TRIM64C: variants seen among roughly 807,000 people sequenced by gnomAD.
TRIM64C encodes the protein tripartite motif-containing protein 64C.
Under a neutral mutation model 36.1 loss-of-function variants are expected in TRIM64C, and 25 were observed. The observed-to-expected ratio is 0.69, with a 90% CI of 0.51 to 0.97. The LOEUF (loss-of-function observed/expected upper bound fraction) is 0.97. Among genes scored for constraint, TRIM64C ranks in the 50% least tolerant of loss-of-function variants. The pLI, the probability that TRIM64C is intolerant of heterozygous loss-of-function variation, is 0.00. For synonymous variants in TRIM64C, 212 were observed against 185.7 expected, an observed-to-expected ratio of 1.14 and a Z score of -1.15; for missense variants, 489 against 536.8, an observed-to-expected ratio of 0.91 and a Z score of 0.88.
intron 4 of TRIM64C, 91 bp downstream of exon 4, chr11:49,056,268 G>C: frequency 1.0e-6 from 1 of 975,110 alleles, no homozygotes; most frequent in South Asian, 1.5e-5. Flanking sequence ...TAGCCACTGA[G>C]AATGATGTTA....
At chr11:49,057,725 T>A (rs549313625) in intron 2 of TRIM64C, 10 of 475,332 alleles carry the variant, frequency 2.1e-5, no homozygotes, top group Non-Finnish European at 3.5e-5. Flanking sequence ...TATTATGCAG[T>A]ATTTTTTTAC....
Position 49,053,912 on chromosome 11 carries a change from A to G in TRIM64C, c.1155T>C (p.Asn385=), listed in dbSNP as rs1400759286. 2.6e-6 allele frequency: 4 copies of G among 1,551,554 alleles called. No homozygotes were observed. Among genetic ancestry groups the G allele is most frequent in the Non-Finnish European group, 3.5e-6 (4 of 1,146,870 alleles). Residue 385 remains asparagine (N), a synonymous_variant, in exon 6 of 6, where the codon AAT becomes AAC. Transcript: ENST00000617704. The part of the protein sequence containing the change: ...TFFSISSKTS[N]HYSLSTNSPP... Reference sequence around the variant, plus strand: ...GAGAATTGGTGGAGAGACTATAGTGATTGCTCGTCTTTGAAGAAATTGAAA... The same window carrying G: ...GAGAATTGGTGGAGAGACTATAGTGGTTGCTCGTCTTTGAAGAAATTGAAA...
chr11:49,057,389 GTTTGGTT>G lies in TRIM64C; in HGVS notation c.508-18_508-12del. 1 of 1,549,092 alleles carries G rather than the reference GTTTGGTT, an allele frequency of 6.5e-7. No individual in the cohort carries two copies. Among genetic ancestry groups the G allele is most frequent in the Non-Finnish European group, 8.7e-7 (1 of 1,146,484 alleles). On this transcript the variant is annotated splice_polypyrimidine_tract_variant and intron_variant, in intron 2 of 5. Transcript: ENST00000617704. ...TAATGACACATAGTCCTGCAGAGACGTTTGGTTAAAAGGATTACATGTTCTCACTCTC... is the reference window on the plus strand; with the variant it reads ...TAATGACACATAGTCCTGCAGAGACGAAAAGGATTACATGTTCTCACTCTC...
chr11:49,057,242 C>T lies in TRIM64C; in HGVS notation c.644G>A (p.Ser215Asn), dbSNP rs544322701. 4.5e-6 allele frequency: 7 copies of T among 1,549,808 alleles called. No individual in the cohort carries two copies. In the East Asian group the frequency reaches 1.5e-4, roughly 32 times the overall value. The change falls in exon 3 of 6, where the codon AGT becomes AAT. Residue 215 changes from serine (S) to asparagine (N), a missense_variant. By Grantham distance (46) the Ser-to-Asn change is conservative (BLOSUM62 1). Coordinates refer to ENST00000617704, the MANE Select transcript of TRIM64C (RefSeq NM_001206631.1). The stretch of plus-strand genomic sequence containing the variant: ...TAAATGTTGGGTCATTCTCACTTGA[C>T]TGTCTTGTAGTTGTTGGAAAAGCTC... ...AKELFQQLQD[S>N]QVRMTQHLEG...
At chr11:49,054,485 C>T (rs539913993) in intron 5 of TRIM64C, among the ~76,000 whole-genome samples, 1 of 152,212 alleles carries the variant, frequency 6.6e-6, no homozygotes, top group Admixed American at 6.5e-5. Context: ...CAGAACATAT[C>T]TAAAATGTTT....
intron 5 of TRIM64C, among the ~76,000 whole-genome samples, chr11:49,054,712 A>G (rs1854792486): frequency 6.6e-6 from 1 of 152,134 alleles, no homozygotes; most frequent in Non-Finnish European, 1.5e-5. Context: ...CCCTGATTCA[A>G]TCTACTCTGT....
intron 4 of TRIM64C, among the ~76,000 whole-genome samples, chr11:49,056,116 C>G (rs1854810655): frequency 6.7e-6 from 1 of 148,722 alleles, no homozygotes; most frequent in Admixed American, 6.6e-5. Flanking sequence ...TAGGGCTGGA[C>G]AGGAAGGATG....
chr11:49,056,851 A>G (rs1046888023), intron 3 of TRIM64C, among the ~76,000 whole-genome samples: 2 of 151,936 alleles, frequency 1.3e-5, no homozygotes, highest in Non-Finnish European at 2.9e-5. Flanking sequence ...ATACATGGAT[A>G]TTACTAACCT....
In TRIM64C at chr11:49,054,012, T is replaced by C. The variant is rs563700583; in HGVS notation, c.1055A>G (p.Asn352Ser). Reference sequence around the variant, plus strand: ...ATCTCGACAGACTCCCAGAATCCAGTTGGAGGAGTGGGTCACATCCACTTC... The same window carrying C: ...ATCTCGACAGACTCCCAGAATCCAGCTGGAGGAGTGGGTCACATCCACTTC... ...YWEVDVTHSS[N>S]WILGVCRDSR... Residue 352 changes from asparagine (N) to serine (S), a missense_variant, in exon 6 of 6, where the codon AAC becomes AGC. Transcript: ENST00000617704. The C allele has an allele frequency of 2.5e-5, 39 of 1,551,568 alleles. No individual in the cohort carries two copies. The highest frequency in any genetic ancestry group is 1.5e-4 in the East Asian group (6 of 40,932).
In TRIM64C at chr11:49,055,383, C is replaced by T. The variant is rs200258975; in HGVS notation, c.786G>A (p.Lys262=). The change falls in exon 5 of 6, where the codon AAG becomes AAA. Residue 262 remains lysine, a synonymous_variant. Coordinates refer to ENST00000617704, the MANE Select transcript of TRIM64C (RefSeq NM_001206631.1). ...SARTDLAQMP[K]PQPVNPELTS... is the part of the protein sequence containing the mutation. ...TGAGCTCTGGGTTCACTGGCTGGGG[C>T]TTTGGCATCTGTGCCAAATCAGTTC... 1 of 1,530,176 alleles carries T rather than the reference C, an allele frequency of 6.5e-7. No individual in the cohort carries two copies. Among genetic ancestry groups the T allele is most frequent in the African/African-American group, 1.4e-5 (1 of 70,750 alleles). The allele number at this position is 1,530,176 out of a possible 1,614,324, so 94.8% of individuals were successfully genotyped here.
chr11:49,058,413 C>G (rs1358920839), intron 1 of TRIM64C, among the ~76,000 whole-genome samples: 1 of 151,868 alleles, frequency 6.6e-6, no homozygotes, highest in African/African-American at 2.4e-5. Context: ...CTGGGTTTTA[C>G]ATAACCTGAC....
Position 49,057,244 on chromosome 11 carries a change from G to C in TRIM64C, c.642C>G (p.Asp214Glu). The part of the protein sequence containing the change: ...EAKELFQQLQ[D>E]SQVRMTQHLE... ...AATGTTGGGTCATTCTCACTTGACT[G>C]TCTTGTAGTTGTTGGAAAAGCTCTT... Residue 214 changes from aspartate (D) to glutamate (E), a missense_variant, in exon 3 of 6, where the codon GAC becomes GAG. Coordinates refer to ENST00000617704, the MANE Select transcript of TRIM64C (RefSeq NM_001206631.1). 1 of 1,549,756 alleles carries C rather than the reference G, an allele frequency of 6.5e-7. No homozygotes were observed. Among genetic ancestry groups the C allele is most frequent in the Non-Finnish European group, 8.7e-7 (1 of 1,146,962 alleles).
rs1237736914 is a variant in TRIM64C, at chr11:49,054,074, C to G, written c.993G>C (p.Trp331Cys). Reference protein sequence around the residue: ...DPQGVESFAVWCAQAFTSGKH... With the variant: ...DPQGVESFAVCCAQAFTSGKH... ...TGCCGGAGGTGAATGCTTGCGCACA[C>G]CACACAGCAAAGCTCTCCACTCCTT... Residue 331 changes from tryptophan to cysteine, a missense_variant, in exon 6 of 6, where the codon TGG becomes TGC. Transcript: ENST00000617704. 6 of 1,551,564 alleles carry G rather than the reference C, an allele frequency of 3.9e-6. No individual in the cohort carries two copies. In the East Asian group the frequency reaches 1.5e-4, roughly 38 times the overall value.
chr11:49,057,654 C>T (rs1011066879), intron 2 of TRIM64C: 155 of 499,354 alleles, frequency 3.1e-4, no homozygotes, highest in Non-Finnish European at 1.7e-4. Flanking sequence ...ATTAATCTCT[C>T]TTTCAGGATT....
chr11:49,058,610 A>G (rs1854842301), intron 1 of TRIM64C, 91 bp downstream of exon 1: 4 of 1,517,608 alleles, frequency 2.6e-6, no homozygotes, highest in Non-Finnish European at 3.5e-6. Context: ...CGCCACCTCC[A>G]CTATCTGCAT....
At chr11:49,055,447 A>G in intron 4 of TRIM64C, 40 bp from the exon 5 acceptor site, 2 of 1,533,558 alleles carry the variant, frequency 1.3e-6, no homozygotes, top group Non-Finnish European at 1.7e-6. Flanking sequence ...TTCCAGGACC[A>G]GAGCTAATCA....
rs1265557554 is a variant in TRIM64C, at chr11:49,057,024, TGG to T, written c.738+122_738+123del. On this transcript the variant is annotated intron_variant, in intron 3 of 5. Coordinates refer to ENST00000617704, the MANE Select transcript of TRIM64C (RefSeq NM_001206631.1). The stretch of plus-strand genomic sequence containing the variant: ...ATAAATGACTGGAAAAATGTAATGG[TGG>T]AAGTCACACAGCATGTGTCACTTAG... 5.4e-6 allele frequency: 7 copies of T among 1,293,598 alleles called. No homozygotes were observed. In the East Asian group the frequency reaches 1.8e-4, roughly 33 times the overall value. The allele number at this position is 1,293,598 out of a possible 1,614,324, so 80.1% of individuals were successfully genotyped here.
chr11:49,055,073 C>T (rs1242107940), intron 5 of TRIM64C, among the ~76,000 whole-genome samples: 1 of 152,134 alleles, frequency 6.6e-6, no homozygotes, highest in East Asian at 1.9e-4. Context: ...ATTCTTTGTC[C>T]TCTTATTCTG....
chr11:49,055,854 TC>T (rs902389466), intron 4 of TRIM64C, among the ~76,000 whole-genome samples: 142 of 152,204 alleles, frequency 9.3e-4, no homozygotes, highest in African/African-American at 3.1e-3. Context: ...GGAGTCTAAT[TC>T]CAGCCTGAGA....
Sources: allele counts gnomAD v4.1 joint callset (sites outside exome capture counted in the v4.1 genomes callset), GRCh38; gene constraint gnomAD v4.1.1; transcripts MANE v1.5; gene names NCBI Gene and HGNC (gene_info 2026-07-23, HGNC 2026-07-21).